Variants in BTBD7 observed in about 807,000 individuals in gnomAD.
BTBD7 encodes the protein BTB/POZ domain-containing protein 7.
A neutral mutation model predicts 99.9 loss-of-function variants in BTBD7; 38 were observed. The observed-to-expected ratio is 0.38, with a 90% CI of 0.29 to 0.50. The LOEUF is 0.50. Ranked by LOEUF, BTBD7 falls within the 20% of genes least tolerant of loss-of-function variation. BTBD7 has a pLI of 0.93. For missense variants in BTBD7, 1,170 were observed against 1,394.6 expected (o/e 0.84, Z 2.57); for synonymous variants, 520 against 511.4 (o/e 1.02, Z -0.23).
At chr14:93,292,258 T>G (rs149386584) in intron 3 of BTBD7, among the ~76,000 whole-genome samples, 2 of 152,122 alleles carry the variant, frequency 1.3e-5, no homozygotes, top group Non-Finnish European at 2.9e-5. Context: ...TGGTTTCTTA[T>G]TAAAAGGCAT....
chr14:93,255,283 C>A (rs545046820), intron 6 of BTBD7, among the ~76,000 whole-genome samples: 38 of 152,182 alleles, frequency 2.5e-4, no homozygotes, highest in African/African-American at 8.7e-4. Context: ...GTAGCTGGGA[C>A]TACAGGTGCA....
chr14:93,256,902 A>G (rs1342700107), intron 6 of BTBD7: 1 of 300,702 alleles, frequency 3.3e-6, no homozygotes, highest in African/African-American at 2.2e-5. Flanking sequence ...CCCTTTTTGA[A>G]TAAGGGTCTA....
At chr14:93,261,377 T>C (rs997795389) in intron 5 of BTBD7, among the ~76,000 whole-genome samples, 1 of 152,132 alleles carries the variant, frequency 6.6e-6, no homozygotes, top group Non-Finnish European at 1.5e-5. Flanking sequence ...CCTAAGAACA[T>C]AATAATAAAA....
At chr14:93,331,068 C>T (rs2053396728) in intron 1 of BTBD7, among the ~76,000 whole-genome samples, 1 of 151,502 alleles carries the variant, frequency 6.6e-6, no homozygotes. Context: ...AAACTCCAAA[C>T]GAAATATCAC....
chr14:93,255,259 T>C (rs979683398), intron 6 of BTBD7, among the ~76,000 whole-genome samples: 3 of 152,132 alleles, frequency 2.0e-5, no homozygotes, highest in African/African-American at 7.2e-5. Flanking sequence ...AATTCTCCCA[T>C]CTCAGTTTCT....
At chr14:93,254,307 CTAAA>C (rs780506759) in intron 6 of BTBD7, among the ~76,000 whole-genome samples, 9 of 152,074 alleles carry the variant, frequency 5.9e-5, no homozygotes, top group Non-Finnish European at 1.3e-4. Flanking sequence ...CCATTTTTCT[CTAAA>C]TAGAGGAATA....
chr14:93,244,151 G>A, intron 10 of BTBD7: 2 of 474,246 alleles, frequency 4.2e-6, no homozygotes, highest in South Asian at 3.1e-5. Context: ...AGTGACTATG[G>A]TGGGCAGACT....
At chr14:93,288,041 T>A (rs1374109572) in intron 3 of BTBD7, 1 of 159,770 alleles carries the variant, frequency 6.3e-6, no homozygotes, top group Non-Finnish European at 1.4e-5. Flanking sequence ...CTTCACTGTA[T>A]TGTGGTATTC....
chr14:93,307,368 C>A (rs1165877345), intron 1 of BTBD7, among the ~76,000 whole-genome samples: 2 of 152,138 alleles, frequency 1.3e-5, no homozygotes, highest in African/African-American at 4.8e-5. Flanking sequence ...GTTGTCCAGG[C>A]TGGTCTTGAA....
intron 4 of BTBD7, among the ~76,000 whole-genome samples, chr14:93,262,686 C>T (rs1204038348): frequency 6.6e-6 from 1 of 151,972 alleles, no homozygotes; most frequent in Non-Finnish European, 1.5e-5. Context: ...ACAAGGTATT[C>T]TACTGGTTAG....
chr14:93,265,512 C>T (rs1299747777), intron 3 of BTBD7, among the ~76,000 whole-genome samples: 1 of 152,238 alleles, frequency 6.6e-6, no homozygotes, highest in Non-Finnish European at 1.5e-5. Context: ...GAGATCTTTG[C>T]AGATAACATG....
intron 6 of BTBD7, chr14:93,256,573 C>T (rs2052432563): frequency 6.6e-6 from 1 of 152,076 alleles, no homozygotes; most frequent in Non-Finnish European, 1.5e-5. Context: ...CATGCACCAC[C>T]ACGCCTGGCT....
chr14:93,327,144 G>A (rs2053342880), intron 1 of BTBD7, among the ~76,000 whole-genome samples: 1 of 152,190 alleles, frequency 6.6e-6, no homozygotes, highest in Non-Finnish European at 1.5e-5. Context: ...CGCTGTCAAA[G>A]TGAGACTCTG....
chr14:93,275,547 C>T (rs1001831110), intron 3 of BTBD7, among the ~76,000 whole-genome samples: 2 of 152,136 alleles, frequency 1.3e-5, no homozygotes, highest in Non-Finnish European at 2.9e-5. Context: ...GGTCACTTAA[C>T]AGAAATACCA....
intron 3 of BTBD7, among the ~76,000 whole-genome samples, chr14:93,279,621 C>G (rs939280646): frequency 6.6e-6 from 1 of 152,118 alleles, no homozygotes; most frequent in African/African-American, 2.4e-5. Context: ...GATCCCAGCT[C>G]ACTGCAACCT....
intron 1 of BTBD7, among the ~76,000 whole-genome samples, chr14:93,298,534 G>A (rs2052956774): frequency 6.6e-6 from 1 of 151,984 alleles, no homozygotes; most frequent in Admixed American, 6.6e-5. Context: ...TTAGACTTGG[G>A]TACCCCACCA....
rs149057330 is a variant in BTBD7, at chr14:93,243,173, A to T, written c.2584-85T>A. On this transcript the variant is annotated intron_variant, in intron 10 of 10. Coordinates refer to ENST00000334746, the MANE Select transcript of BTBD7 (RefSeq NM_001002860.4). ...TGATGTTCACTGATTTTGTTTCCCA[A>T]TTATAAAATTAACACATTCTGTTTT... is the stretch of plus-strand genomic sequence containing the variant. 2.3e-5 allele frequency: 29 copies of T among 1,265,276 alleles called. No homozygotes were observed. The African/African-American group carries it at 4.2e-4, about 18-fold the overall frequency. 78.4% of individuals were successfully genotyped at this position (1,265,276 alleles called of 1,614,324 possible). A position where few individuals can be genotyped will look rare whatever the true frequency, so the allele number is the denominator to read the frequency against.
At chr14:93,249,644 T>C (rs1333301903) in intron 8 of BTBD7, among the ~76,000 whole-genome samples, 1 of 152,212 alleles carries the variant, frequency 6.6e-6, no homozygotes, top group Admixed American at 6.5e-5. Flanking sequence ...TTCATTTACG[T>C]ACTGTCTACG....
chr14:93,315,537 A>G (rs1018545477), intron 1 of BTBD7, among the ~76,000 whole-genome samples: 2 of 151,970 alleles, frequency 1.3e-5, no homozygotes, highest in Non-Finnish European at 2.9e-5. Flanking sequence ...CATTTTCATC[A>G]CCCCCTAAAA....
Sources: gnomAD v4.1 joint callset for allele counts (sites outside exome capture counted in the v4.1 genomes callset) on GRCh38, gnomAD v4.1.1 for gene constraint, MANE v1.5 for transcripts, NCBI Gene and HGNC (gene_info 2026-07-23, HGNC 2026-07-21) for gene names.